Variants in CYP2U1 observed in about 807,000 individuals in gnomAD.
CYP2U1 encodes cytochrome P450 2U1.
Under a neutral mutation model 42.8 loss-of-function variants are expected in CYP2U1, and 28 were observed. The observed-to-expected ratio is 0.65, with a 90% CI of 0.48 to 0.90. The LOEUF (loss-of-function observed/expected upper bound fraction) is 0.90, where lower values mean the gene tolerates loss of function less well. Among genes scored for constraint, CYP2U1 ranks in the 40% least tolerant of loss-of-function variants. CYP2U1 has a pLI of 0.00. For missense variants in CYP2U1, 642 were observed against 693.8 expected (o/e 0.93, Z 0.84); for synonymous variants, 296 against 278.9 (o/e 1.06, Z -0.61).
At chr4:107,937,583 A>G (rs1733319308) in intron 1 of CYP2U1, 4 of 150,754 alleles carry the variant, frequency 2.7e-5, no homozygotes. Context: ...ATCTCAGCTC[A>G]CTGCAAGCTC....
intron 1 of CYP2U1, among the ~76,000 whole-genome samples, chr4:107,939,581 A>T (rs901619405): frequency 1.3e-5 from 2 of 152,196 alleles, no homozygotes; most frequent in African/African-American, 4.8e-5. Context: ...GTGGAGGATG[A>T]CTACACTTAA....
chr4:107,934,957 A>T (rs1322408071), intron 1 of CYP2U1, among the ~76,000 whole-genome samples: 1 of 152,200 alleles, frequency 6.6e-6, no homozygotes, highest in Non-Finnish European at 1.5e-5. Context: ...CTCTCAACGG[A>T]ATGTGAGTTT....
intron 1 of CYP2U1, among the ~76,000 whole-genome samples, chr4:107,939,792 C>T (rs1300205342): frequency 6.6e-6 from 1 of 152,122 alleles, no homozygotes; most frequent in African/African-American, 2.4e-5. Context: ...ACTGCCCCCA[C>T]CCCTGCAGAA....
intron 1 of CYP2U1, 80 bp from the exon 2 acceptor site, chr4:107,944,889 CA>C: frequency 8.6e-7 from 1 of 1,164,946 alleles, no homozygotes; most frequent in Non-Finnish European, 1.1e-6. Context: ...TTGAAAAATA[CA>C]GAATGCACTC....
chr4:107,933,958 A>T (rs1733153092), intron 1 of CYP2U1, among the ~76,000 whole-genome samples: 1 of 152,194 alleles, frequency 6.6e-6, no homozygotes, highest in Non-Finnish European at 1.5e-5. Flanking sequence ...TTACCCATTC[A>T]TCCATTGATA....
In CYP2U1 at chr4:107,934,201, T is replaced by C. The variant is rs369144027; in HGVS notation, c.490+2068T>C. Among the ~76,000 whole-genome samples, 75 of 152,036 alleles carry C rather than the reference T, an allele frequency of 4.9e-4. No homozygotes were observed. In the East Asian group the frequency reaches 0.01, roughly 21 times the overall value. On this transcript the variant is annotated intron_variant, in intron 1 of 4. Coordinates refer to ENST00000332884, the MANE Select transcript of CYP2U1 (RefSeq NM_183075.3). ...TTTTTTTTTTTTTTCACACTTGCTT[T>C]TAAGATTGGGCTTAAATGTTACCTC...
At chr4:107,948,520 T>C (rs1398783350) in intron 3 of CYP2U1, among the ~76,000 whole-genome samples, 3 of 151,968 alleles carry the variant, frequency 2.0e-5, no homozygotes, top group Non-Finnish European at 2.9e-5. Context: ...TGAGCCAAGA[T>C]TGCACCACTG....
rs781699867 is a variant in CYP2U1, at chr4:107,952,262, GT to G, written c.*1844del. 1 of 152,194 alleles carries G rather than the reference GT, an allele frequency of 6.6e-6. No homozygotes were observed. Among genetic ancestry groups the G allele is most frequent in the East Asian group, 1.9e-4 (1 of 5,204 alleles). 9.4% of individuals were successfully genotyped at this position (152,194 alleles called of 1,614,324 possible). A position where few individuals can be genotyped will look rare whatever the true frequency, so the allele number is the denominator to read the frequency against. On this transcript the variant is annotated 3_prime_UTR_variant, in exon 5 of 5. Transcript: ENST00000332884. ...TATTTGTTAATGTCCATTAAAGCCA[GT>G]TTTTAAAAAAATCACTGGACTTTTG... is the stretch of plus-strand genomic sequence containing the variant.
Position 107,945,592 on chromosome 4 carries a change from C to G in CYP2U1, c.1113C>G (p.Asn371Lys). 1 of 1,574,572 alleles carries G rather than the reference C, an allele frequency of 6.4e-7. No homozygotes were observed. The highest frequency in any genetic ancestry group is 8.6e-7 in the Non-Finnish European group (1 of 1,160,468). The change falls in exon 2 of 5, where the codon AAC becomes AAG. Residue 371 changes from asparagine (N) to lysine (K), a missense_variant. Physicochemically the swap from Asn to Lys is moderately conservative, Grantham distance 94 (BLOSUM62 0). Transcript: ENST00000332884. Reference protein sequence around the residue: ...LLWCLLYMSLNPDVQEKVHEE... With the variant: ...LLWCLLYMSLKPDVQEKVHEE... ...GGTGCCTGCTGTATATGTCGCTGAA[C>G]CCCGATGTACAAGGTAATTAATAGG...
rs370157118 is a variant in CYP2U1, at chr4:107,943,590, A to G, written c.491-1380A>G. ...TGAACCAAAGGCCTGCAGAGCAACC[A>G]CTGCAGATTTGAGCAGACATTTGGA... On this transcript the variant is annotated intron_variant, in intron 1 of 4. Transcript: ENST00000332884. Among the ~76,000 whole-genome samples the G allele has an allele frequency of 3.4e-4, 52 of 152,356 alleles. 3 individuals carry two copies. The highest frequency in any genetic ancestry group is 1.9e-3 in the East Asian group (10 of 5,188).
chr4:107,932,113 C>A lies in CYP2U1; in HGVS notation c.470C>A (p.Ser157Tyr). 1 of 1,603,314 alleles carries A rather than the reference C, an allele frequency of 6.2e-7. No homozygotes were observed. The highest frequency in any genetic ancestry group is 2.3e-5 in the East Asian group (1 of 44,236). The change falls in exon 1 of 5, where the codon TCC (serine) becomes TAC (tyrosine). Residue 157 changes from serine (S) to tyrosine (Y), a missense_variant. By Grantham distance (144) the Ser-to-Tyr change is moderately radical. Transcript: ENST00000332884. ...FSDRPRVPLISIVTKEKGVVF... is the reference protein window; with the variant it reads ...FSDRPRVPLIYIVTKEKGVVF... ...GACCGCCCGCGGGTGCCGCTCATCT[C>A]CATCGTGACCAAGGAGAAGGGTGAG... is the stretch of plus-strand genomic sequence containing the variant.
rs975307062 is a variant in CYP2U1, at chr4:107,951,861, G to A, written c.*1438G>A. 6.6e-6 allele frequency: 1 copy of A among 152,180 alleles called. No homozygotes were observed. Among genetic ancestry groups the A allele is most frequent in the Non-Finnish European group, 1.5e-5 (1 of 68,050 alleles). The allele number at this position is 152,180 out of a possible 1,614,324, so 9.4% of individuals were successfully genotyped here. A position where few individuals can be genotyped will look rare whatever the true frequency, so the allele number is the denominator to read the frequency against. Reference sequence around the variant, plus strand: ...AATTCTATTAAGAGGGTGGCATACTGTAGTGGATGAAGCTGAGGCTTATAG... The same window carrying A: ...AATTCTATTAAGAGGGTGGCATACTATAGTGGATGAAGCTGAGGCTTATAG... On this transcript the variant is annotated 3_prime_UTR_variant, in exon 5 of 5. Transcript: ENST00000332884.
chr4:107,945,387 A>G lies in CYP2U1; in HGVS notation c.908A>G (p.Lys303Arg). ...ACCAGTTTCCTTAAAAAAATCATCA[A>G]AGACCATCAAGAGTCTCTGGATAGA... ...DITSFLKKII[K>R]DHQESLDREN... The change falls in exon 2 of 5, where the codon AAA (lysine) becomes AGA (arginine). Residue 303 changes from lysine (K) to arginine (R), a missense_variant. Physicochemically the swap from Lys to Arg is conservative, Grantham distance 26. Transcript: ENST00000332884. 1.9e-6 allele frequency: 3 copies of G among 1,614,074 alleles called. No individual in the cohort carries two copies. The highest frequency in any genetic ancestry group is 2.5e-6 in the Non-Finnish European group (3 of 1,180,000).
At position 107,936,166 on chromosome 4, in the gene CYP2U1, T is replaced by G. The variant is rs1166486014; in HGVS notation, c.490+4033T>G. The G allele has an allele frequency of 2.0e-5, 3 of 152,360 alleles. No homozygotes were observed. The East Asian group carries it at 5.8e-4, about 29-fold the overall frequency. 9.4% of individuals were successfully genotyped at this position (152,360 alleles called of 1,614,324 possible). On this transcript the variant is annotated intron_variant, in intron 1 of 4. Transcript: ENST00000332884. ...CATAAAGATGCTGTGTCCATCATTC[T>G]GATTGATTCTTTTCCTAAGCACAAA...
intron 1 of CYP2U1, among the ~76,000 whole-genome samples, chr4:107,944,635 C>G (rs11724895): frequency 0.17 from 25,845 of 151,178 alleles, 2,416 homozygotes; most frequent in Non-Finnish European, 0.21. Context: ...CCTGGATTCA[C>G]TCTTATGAAA....
chr4:107,947,599 T>C, intron 3 of CYP2U1, 62 bp downstream of exon 3: 1 of 1,554,590 alleles, frequency 6.4e-7, no homozygotes. Flanking sequence ...TAATCCAGGG[T>C]AGTTGAGGTG....
chr4:107,940,824 G>T (rs1358129627), intron 1 of CYP2U1: 1 of 152,046 alleles, frequency 6.6e-6, no homozygotes. Flanking sequence ...GAATAAAGCA[G>T]ATAAACAAAT....
intron 1 of CYP2U1, chr4:107,938,094 C>G (rs1283706047): frequency 6.6e-6 from 1 of 152,098 alleles, no homozygotes; most frequent in Non-Finnish European, 1.5e-5. Context: ...TTTTTCTGAC[C>G]TCAGTCCCTT....
In CYP2U1 at chr4:107,931,686, C is replaced by T. The variant is rs1732980861; in HGVS notation, c.43C>T (p.Pro15Ser). The T allele has an allele frequency of 4.5e-6, 6 of 1,335,080 alleles. No individual in the cohort carries two copies. Among genetic ancestry groups the T allele is most frequent in the Non-Finnish European group, 5.7e-6 (6 of 1,052,232 alleles). The allele number at this position is 1,335,080 out of a possible 1,614,324, so 82.7% of individuals were successfully genotyped here. The change falls in exon 1 of 5, where the codon CCC becomes TCC. Residue 15 changes from proline to serine, a missense_variant. Pro to Ser is a moderately conservative substitution (Grantham distance 74). Transcript: ENST00000332884. ...GTCGCAGCCGCCGGCCGAGGACCCG[C>T]CCTGGCCCGCGCGCCTCCTGCGTGC... ...GPSQPPAEDP[P>S]WPARLLRAPL...
Sources: gnomAD v4.1 joint callset for allele counts (sites outside exome capture counted in the v4.1 genomes callset) on GRCh38, gnomAD v4.1.1 for gene constraint, MANE v1.5 for transcripts, NCBI Gene and HGNC (gene_info 2026-07-23, HGNC 2026-07-21) for gene names.